AGFG1: variants seen among roughly 807,000 people sequenced by gnomAD.
The protein encoded by AGFG1 is arf-GAP domain and FG repeat-containing protein 1.
AGFG1 carries 10 observed loss-of-function variants against 60.6 expected under a neutral mutation model. The ratio of observed to expected loss-of-function variants is 0.16; its 90% CI spans 0.10 to 0.28. The LOEUF is 0.28. Among genes scored for constraint, AGFG1 ranks in the 10% least tolerant of loss-of-function variants. AGFG1 has a pLI of 1.00. For missense variants in AGFG1, 537 were observed against 676.5 expected (o/e 0.79, Z 2.29); for synonymous variants, 247 against 242.9 (o/e 1.02, Z -0.16).
intron 11 of AGFG1, among the ~76,000 whole-genome samples, chr2:227,552,587 C>T (rs971261944): frequency 6.0e-5 from 9 of 151,118 alleles, no homozygotes; most frequent in African/African-American, 7.3e-5. Flanking sequence ...AAGATTAACT[C>T]GACATTTTTA....
intron 10 of AGFG1, among the ~76,000 whole-genome samples, chr2:227,543,743 T>C (rs912111202): frequency 6.6e-6 from 1 of 152,204 alleles, no homozygotes; most frequent in Non-Finnish European, 1.5e-5. Context: ...CTGTCTGATG[T>C]TGACAGTGGG....
rs559331811 is a variant in AGFG1 at position 227,531,446 on chromosome 2, C to T, written c.814+236C>T. 8.6e-5 allele frequency among the ~76,000 whole-genome samples: 13 copies of T among 151,338 alleles called. No homozygotes were observed. In the South Asian group the frequency reaches 1.7e-3, roughly 19 times the overall value. On this transcript the variant is annotated intron_variant, in intron 6 of 12. Coordinates refer to ENST00000310078, the MANE Select transcript of AGFG1 (RefSeq NM_004504.5). ...AACATCCATTCTCCTCCTTTTCCTG[C>T]GCATGAATCTTCCTTATATCTACCA...
chr2:227,472,723 CGGCTGGCGGGCGCGGCGTGGGA>C (rs1342975613), intron 1 of AGFG1, 135 bp downstream of exon 1: 4 of 1,042,062 alleles, frequency 3.8e-6, no homozygotes, highest in Non-Finnish European at 5.0e-6. Flanking sequence ...CGTTGGGCGC[CGGCTGGCGGGCGCGGCGTGGGA>C]GGCTGCGGGC....
intron 1 of AGFG1, among the ~76,000 whole-genome samples, chr2:227,484,704 T>G (rs770732658): frequency 0.22 from 6,802 of 30,810 alleles, 318 homozygotes; most frequent in African/African-American, 0.3. Flanking sequence ...TTTTTTTTTT[T>G]TTTTTTTTTT....
chr2:227,545,811 A>G (rs1392775077), intron 10 of AGFG1, among the ~76,000 whole-genome samples: 1 of 152,196 alleles, frequency 6.6e-6, no homozygotes, highest in African/African-American at 2.4e-5. Context: ...AACAGCAAAT[A>G]TTGCAAAACA....
intron 2 of AGFG1, among the ~76,000 whole-genome samples, chr2:227,497,005 G>C (rs906594970): frequency 6.6e-6 from 1 of 152,162 alleles, no homozygotes; most frequent in African/African-American, 2.4e-5. Flanking sequence ...TAGAGTGGCA[G>C]AGTTAAGTTA....
At chr2:227,547,606 C>T (rs556746525) in intron 10 of AGFG1, among the ~76,000 whole-genome samples, 1 of 152,220 alleles carries the variant, frequency 6.6e-6, no homozygotes, top group East Asian at 1.9e-4. Context: ...AATAAAAAGA[C>T]ACCCCAATTA....
Position 227,536,684 on chromosome 2 carries a change from G to A in AGFG1, c.1265G>A (p.Ser422Asn). 1 of 1,613,766 alleles carries A rather than the reference G, an allele frequency of 6.2e-7. No individual in the cohort carries two copies. The highest frequency in any genetic ancestry group is 8.5e-7 in the Non-Finnish European group (1 of 1,179,866). Reference sequence around the variant, plus strand: ...GCACAGACACAGCCTGCTTCATCAAGTGTGCCTGCTCCATTTGGAGGTATG... The same window carrying A: ...GCACAGACACAGCCTGCTTCATCAAATGTGCCTGCTCCATTTGGAGGTATG... Reference protein sequence around the residue: ...ASAQTQPASSSVPAPFGATPS... With the variant: ...ASAQTQPASSNVPAPFGATPS... Residue 422 changes from serine (S) to asparagine (N), a missense_variant, in exon 9 of 13, where the codon AGT (serine) becomes AAT (asparagine). By Grantham distance (46) the Ser-to-Asn change is conservative. Coordinates refer to ENST00000310078, the MANE Select transcript of AGFG1 (RefSeq NM_004504.5).
At chr2:227,473,188 T>C (rs934622999) in intron 1 of AGFG1, among the ~76,000 whole-genome samples, 2 of 152,186 alleles carry the variant, frequency 1.3e-5, no homozygotes. Flanking sequence ...CACTTAGGAA[T>C]AGTAGCAGGA....
chr2:227,544,201 C>A (rs1050004537), intron 10 of AGFG1, among the ~76,000 whole-genome samples: 1 of 129,098 alleles, frequency 7.7e-6, no homozygotes, highest in African/African-American at 3.0e-5. Flanking sequence ...GTCACCCAGC[C>A]TGGAGTGCAG....
intron 2 of AGFG1, among the ~76,000 whole-genome samples, chr2:227,511,668 A>G (rs1426033160): frequency 3.3e-5 from 5 of 152,232 alleles, no homozygotes; most frequent in East Asian, 3.8e-4. Flanking sequence ...TCTATTGTGC[A>G]TACATTTGAG....
intron 7 of AGFG1, among the ~76,000 whole-genome samples, chr2:227,534,153 A>T (rs1317423316): frequency 2.0e-5 from 3 of 148,656 alleles, no homozygotes; most frequent in African/African-American, 4.9e-5. Flanking sequence ...TTTTATATTT[A>T]AAAAAAAAAA....
chr2:227,502,406 C>T (rs1012152970), intron 2 of AGFG1, among the ~76,000 whole-genome samples: 3 of 152,146 alleles, frequency 2.0e-5, no homozygotes, highest in Admixed American at 1.3e-4. Flanking sequence ...CTGCAACCTC[C>T]GCCTTCTGGG....
At chr2:227,498,941 C>T (rs769962503) in intron 2 of AGFG1, among the ~76,000 whole-genome samples, 1 of 152,098 alleles carries the variant, frequency 6.6e-6, no homozygotes. Context: ...CGAATTAAAA[C>T]AATATAAATC....
intron 10 of AGFG1, among the ~76,000 whole-genome samples, chr2:227,540,310 A>G (rs909806552): frequency 1.3e-5 from 2 of 151,506 alleles, no homozygotes. Context: ...CGTCATTTAC[A>G]TTAGGTATGT....
At chr2:227,511,336 G>T (rs1383727664) in intron 2 of AGFG1, among the ~76,000 whole-genome samples, 1 of 152,178 alleles carries the variant, frequency 6.6e-6, no homozygotes, top group African/African-American at 2.4e-5. Flanking sequence ...TATGTTAGGG[G>T]TTGGCACACT....
intron 2 of AGFG1, among the ~76,000 whole-genome samples, chr2:227,496,929 C>T (rs1690990307): frequency 1.3e-5 from 2 of 151,988 alleles, no homozygotes; most frequent in Non-Finnish European, 2.9e-5. Flanking sequence ...ATTTTAACTT[C>T]GATTTTCTGC....
chr2:227,528,772 T>C lies in AGFG1; in HGVS notation c.695-2319T>C, dbSNP rs77162100. ...ATGGTTAGACAAGTCACTGCAACTC[T>C]ACAGACTAATTTGTACCATGGTTGC... On this transcript the variant is annotated intron_variant, in intron 5 of 12. Transcript: ENST00000310078. Among the ~76,000 whole-genome samples the C allele has an allele frequency of 3.6e-3, 551 of 152,356 alleles. 1 individual carries two copies. The highest frequency in any genetic ancestry group is 0.012 in the African/African-American group (517 of 41,580).
At chr2:227,509,468 C>T (rs1178407349) in intron 2 of AGFG1, among the ~76,000 whole-genome samples, 1 of 152,012 alleles carries the variant, frequency 6.6e-6, no homozygotes, top group East Asian at 1.9e-4. Flanking sequence ...ATCTTTAGAT[C>T]AGATAATATA....
Sources: allele counts gnomAD v4.1 joint callset (sites outside exome capture counted in the v4.1 genomes callset), GRCh38; gene constraint gnomAD v4.1.1; transcripts MANE v1.5; gene names NCBI Gene and HGNC (gene_info 2026-07-23, HGNC 2026-07-21).